Variants in KCNH1 observed in about 807,000 individuals in gnomAD.
The protein encoded by KCNH1 is voltage-gated delayed rectifier potassium channel KCNH1.
A neutral mutation model predicts 69.2 loss-of-function variants in KCNH1; 27 were observed. The ratio of observed to expected loss-of-function variants is 0.39; its 90% CI spans 0.29 to 0.54. The LOEUF is 0.54. Among genes scored for constraint, KCNH1 ranks in the 20% least tolerant of loss-of-function variants. The pLI is 0.68. For synonymous variants in KCNH1, 456 were observed against 487.7 expected (o/e 0.93, Z 0.86); for missense variants, 798 against 1,261.6 (o/e 0.63, Z 5.57).
At chr1:210,687,973 A>G (rs1488150376) in intron 10 of KCNH1, among the ~76,000 whole-genome samples, 1 of 152,174 alleles carries the variant, frequency 6.6e-6, no homozygotes, top group Non-Finnish European at 1.5e-5. Context: ...GGTCTAGGGA[A>G]CAAGTGTGTC....
chr1:210,907,737 TG>T (rs1382945483), intron 7 of KCNH1, among the ~76,000 whole-genome samples: 1 of 151,922 alleles, frequency 6.6e-6, no homozygotes, highest in African/African-American at 2.4e-5. Flanking sequence ...TCCATCCCAG[TG>T]GGGGTGGGGG....
chr1:211,091,741 G>A (rs1014939837), intron 3 of KCNH1, among the ~76,000 whole-genome samples: 4 of 152,162 alleles, frequency 2.6e-5, no homozygotes, highest in African/African-American at 9.7e-5. Flanking sequence ...TCCACAGAAG[G>A]AGGTAGGCAG....
At chr1:210,725,204 C>A (rs1465530990) in intron 10 of KCNH1, among the ~76,000 whole-genome samples, 1 of 152,286 alleles carries the variant, frequency 6.6e-6, no homozygotes, top group Admixed American at 6.5e-5. Context: ...ATGCCCATAG[C>A]CCGTAGCTGC....
intron 10 of KCNH1, among the ~76,000 whole-genome samples, chr1:210,700,288 A>AATT (rs1681741931): frequency 6.6e-6 from 1 of 152,198 alleles, no homozygotes; most frequent in Non-Finnish European, 1.5e-5. Context: ...GGGAGCAGAT[A>AATT]ATTACTGCCT....
chr1:210,909,443 G>A (rs1039455549), intron 7 of KCNH1, among the ~76,000 whole-genome samples: 1 of 152,186 alleles, frequency 6.6e-6, no homozygotes, highest in African/African-American at 2.4e-5. Context: ...CAACTAGCAG[G>A]CCATCTGTGG....
At chr1:210,864,045 C>T (rs1419244828) in intron 7 of KCNH1, among the ~76,000 whole-genome samples, 1 of 152,224 alleles carries the variant, frequency 6.6e-6, no homozygotes, top group Non-Finnish European at 1.5e-5. Flanking sequence ...ACATTCCAGA[C>T]AGCCTCATGA....
chr1:210,785,252 T>A (rs1345782435), intron 9 of KCNH1, among the ~76,000 whole-genome samples: 1 of 152,036 alleles, frequency 6.6e-6, no homozygotes, highest in Admixed American at 6.5e-5. Context: ...AAGATATACA[T>A]GAAATAAATA....
Position 210,683,323 on chromosome 1 carries a change from T to G in KCNH1, c.2928A>C (p.Pro976=), listed in dbSNP as rs773552298. The G allele has an allele frequency of 5.0e-6, 8 of 1,614,154 alleles. No individual in the cohort carries two copies. The Admixed American group carries it at 1.3e-4, about 27-fold the overall frequency. The change falls in exon 11 of 11, where the codon CCA becomes CCC. Residue 976 remains proline, a synonymous_variant. Coordinates refer to ENST00000271751, the MANE Select transcript of KCNH1 (RefSeq NM_172362.3). The surrounding 1 kb of genome is among the most constrained non-coding windows in gnomAD (Gnocchi z 5.7). The part of the protein sequence containing the change: ...SPQELFEISR[P]QSPESERDIF... ...TGTCTCTCTCTGATTCTGGGGACTG[T>G]GGCCTCGATATTTCAAACAACTCCT...
intron 1 of KCNH1, among the ~76,000 whole-genome samples, chr1:211,125,952 A>G (rs1256075686): frequency 3.3e-5 from 5 of 152,242 alleles, no homozygotes; most frequent in Non-Finnish European, 7.3e-5. Flanking sequence ...ACTCTGTAAT[A>G]CCTAATCAGG....
chr1:210,984,528 T>C (rs1471525208), intron 6 of KCNH1, among the ~76,000 whole-genome samples: 2 of 152,112 alleles, frequency 1.3e-5, no homozygotes, highest in Non-Finnish European at 2.9e-5. Context: ...TCTATTGAGA[T>C]AATCATGTGG....
At chr1:210,758,474 G>C (rs75414430) in intron 10 of KCNH1, among the ~76,000 whole-genome samples, 5,132 of 152,310 alleles carry the variant, frequency 0.034, 143 homozygotes, top group East Asian at 0.13. Context: ...GCCCCAGCCT[G>C]CTCCCTTGGT....
chr1:210,915,441 G>A (rs917367704), intron 7 of KCNH1, among the ~76,000 whole-genome samples: 1 of 152,048 alleles, frequency 6.6e-6, no homozygotes, highest in African/African-American at 2.4e-5. Context: ...GTTTCTCTTG[G>A]CATTACCAAT....
At chr1:210,764,165 T>C (rs1331601627) in intron 10 of KCNH1, among the ~76,000 whole-genome samples, 1 of 152,066 alleles carries the variant, frequency 6.6e-6, no homozygotes, top group Non-Finnish European at 1.5e-5. Context: ...TGGCTAACTA[T>C]ATGCAGAAGA....
At chr1:210,982,226 TA>T (rs2102378756) in intron 6 of KCNH1, among the ~76,000 whole-genome samples, 2 of 150,940 alleles carry the variant, frequency 1.3e-5, no homozygotes, top group Non-Finnish European at 2.9e-5. Flanking sequence ...ATACTTTTAT[TA>T]TTATTATTAT....
At chr1:210,963,617 AAC>A (rs1688340712) in intron 6 of KCNH1, among the ~76,000 whole-genome samples, 1 of 152,044 alleles carries the variant, frequency 6.6e-6, no homozygotes, top group African/African-American at 2.4e-5. Flanking sequence ...GGAACTGAAA[AAC>A]ACAGCGCAAG....
At chr1:211,016,639 T>G (rs1689496266) in intron 6 of KCNH1, among the ~76,000 whole-genome samples, 1 of 152,132 alleles carries the variant, frequency 6.6e-6, no homozygotes, top group Non-Finnish European at 1.5e-5. Context: ...CCAGGAGTGG[T>G]GGCTCACACC....
intron 1 of KCNH1, among the ~76,000 whole-genome samples, chr1:211,131,882 CTGG>C (rs1419132922): frequency 6.6e-6 from 1 of 152,122 alleles, no homozygotes; most frequent in African/African-American, 2.4e-5. Context: ...CCTGCTGAAA[CTGG>C]TGTTGAAATG....
In KCNH1 at chr1:210,807,741, A is replaced by C. The variant is rs539646532; in HGVS notation, c.1463-3575T>G. On this transcript the variant is annotated intron_variant, in intron 7 of 10. Coordinates refer to ENST00000271751, the MANE Select transcript of KCNH1 (RefSeq NM_172362.3). ...AATCTTCCAAGTTGTTGCATGTTTC[A>C]ATAGTTCCTTCCTTTTAGTTGATGA... 3.3e-5 allele frequency among the ~76,000 whole-genome samples: 5 copies of C among 152,312 alleles called. No individual in the cohort carries two copies. In the South Asian group the frequency reaches 1.0e-3, roughly 32 times the overall value.
At position 210,919,998 on chromosome 1, in the gene KCNH1, C is replaced by T. The variant is rs768063257; in HGVS notation, c.1104G>A (p.Leu368=). ...CAGCTCCATATTCAATGTAGTGGTC[C>T]AGCTTACGGGCCACTCGCCCAAGAC... ...LLRLGRVARK[L]DHYIEYGAAV... is the part of the protein sequence containing the mutation. Residue 368 remains leucine (L), a synonymous_variant, in exon 7 of 11, where the codon CTG becomes CTA. Coordinates refer to ENST00000271751, the MANE Select transcript of KCNH1 (RefSeq NM_172362.3). The surrounding 1 kb of genome is among the most constrained non-coding windows in gnomAD (Gnocchi z 4.2). 2.5e-6 allele frequency: 4 copies of T among 1,614,138 alleles called. No individual in the cohort carries two copies. Among genetic ancestry groups the T allele is most frequent in the Non-Finnish European group, 1.7e-6 (2 of 1,180,010 alleles).
Sources: gnomAD v4.1 joint callset for allele counts (sites outside exome capture counted in the v4.1 genomes callset) on GRCh38, gnomAD v4.1.1 for gene constraint, Gnocchi (gnomAD v3.1) non-coding constraint, MANE v1.5 for transcripts, NCBI Gene and HGNC (gene_info 2026-07-23, HGNC 2026-07-21) for gene names.